The following PTGES3 variants were observed in gnomAD, a reference collection of about 807,000 sequenced individuals.
The protein encoded by PTGES3 is Hsp90 co-chaperone.
In PTGES3, 5 loss-of-function variants were observed where a neutral mutation model predicts 29.9. The observed-to-expected ratio is 0.17, with a 90% CI of 0.09 to 0.35. The LOEUF is 0.35. Ranked by LOEUF, PTGES3 falls within the 10% of genes least tolerant of loss-of-function variation. The pLI, the probability that PTGES3 is intolerant of heterozygous loss-of-function variation, is 1.00. For synonymous variants in PTGES3, 49 were observed against 57.8 expected, an observed-to-expected ratio of 0.85 and a Z score of 0.69; for missense variants, 128 against 190.0, an observed-to-expected ratio of 0.67 and a Z score of 1.92.
At chr12:56,668,637 A>AC (rs967692072) in intron 5 of PTGES3, among the ~76,000 whole-genome samples, 26 of 152,160 alleles carry the variant, frequency 1.7e-4, no homozygotes, top group Admixed American at 5.2e-4. Flanking sequence ...TATGAATAGA[A>AC]CATCCTCCCT....
In PTGES3 at chr12:56,665,284, CTTTTTTTTT is replaced by C. The variant is rs59007550; in HGVS notation, c.439-493_439-485del. ...CCTCTTACAGATTTCCAATGTCCAT[CTTTTTTTTT>C]TTTTTTTTTTTGGGTGGGGGGAGAT... is the stretch of plus-strand genomic sequence containing the variant. On this transcript the variant is annotated intron_variant, in intron 6 of 7. Coordinates refer to ENST00000262033, the MANE Select transcript of PTGES3 (RefSeq NM_006601.7). 14 of 806,884 alleles carry C rather than the reference CTTTTTTTTT, an allele frequency of 1.7e-5. No individual in the cohort carries two copies. The South Asian group carries it at 1.8e-4, about 10-fold the overall frequency. The allele number at this position is 806,884 out of a possible 1,614,324, so 50.0% of individuals were successfully genotyped here.
In PTGES3 at chr12:56,681,122, CTTG is replaced by C. The variant is rs910334204; in HGVS notation, c.2+6873_2+6875del. Among the ~76,000 whole-genome samples, 4 of 152,042 alleles carry C rather than the reference CTTG, an allele frequency of 2.6e-5. No homozygotes were observed. The South Asian group carries it at 6.2e-4, about 24-fold the overall frequency. On this transcript the variant is annotated intron_variant, in intron 1 of 7. Transcript: ENST00000262033. ...TTTTTGTTTGGACAGAGTTTTTGCT[CTTG>C]TTGTCCAGACTGGAATGCAATGGCT...
intron 4 of PTGES3, chr12:56,670,640 TACCTG>T: frequency 3.4e-6 from 1 of 292,880 alleles, no homozygotes; most frequent in Non-Finnish European, 6.5e-6. Context: ...TTAGCGTGGT[TACCTG>T]ACATATGGCA....
chr12:56,671,864 C>G lies in PTGES3; in HGVS notation c.187-17G>C. On this transcript the variant is annotated splice_polypyrimidine_tract_variant and intron_variant, in intron 3 of 7. Transcript: ENST00000262033. ...CTTGGAATCCTAAAAACAAAAGGAC[C>G]ATCATACCATTTATCTTTCCAGCAT... 1 of 1,416,070 alleles carries G rather than the reference C, an allele frequency of 7.1e-7. No individual in the cohort carries two copies. The highest frequency in any genetic ancestry group is 9.6e-7 in the Non-Finnish European group (1 of 1,037,314). 87.7% of individuals were successfully genotyped at this position (1,416,070 alleles called of 1,614,324 possible). A position where few individuals can be genotyped will look rare whatever the true frequency, so the allele number is the denominator to read the frequency against.
intron 5 of PTGES3, among the ~76,000 whole-genome samples, chr12:56,668,110 A>G (rs1481564167): frequency 1.3e-5 from 2 of 152,232 alleles, no homozygotes; most frequent in Non-Finnish European, 2.9e-5. Context: ...CTCTGCCTCA[A>G]AAAAATAAAT....
chr12:56,686,579 G>C (rs1380425483), intron 1 of PTGES3, among the ~76,000 whole-genome samples: 1 of 151,910 alleles, frequency 6.6e-6, no homozygotes, highest in African/African-American at 2.4e-5. Context: ...GTTTCTCCAT[G>C]TTGGTCAGTC....
Position 56,664,342 on chromosome 12 carries a change from C to A in PTGES3, c.*137G>T. On this transcript the variant is annotated 3_prime_UTR_variant, in exon 8 of 8. Coordinates refer to ENST00000262033, the MANE Select transcript of PTGES3 (RefSeq NM_006601.7). ...TTAGTGAAGCCTTTTAAAAAACAAA[C>A]AGGTTGAAAAATGGGTTAAAGTAGG... 2.0e-6 allele frequency: 2 copies of A among 1,004,886 alleles called. No homozygotes were observed. Among genetic ancestry groups the A allele is most frequent in the Non-Finnish European group, 3.0e-6 (2 of 670,386 alleles). The allele number at this position is 1,004,886 out of a possible 1,614,324, so 62.2% of individuals were successfully genotyped here.
intron 4 of PTGES3, 115 bp from the exon 5 acceptor site, chr12:56,670,479 C>A (rs953743591): frequency 5.5e-6 from 4 of 726,866 alleles, no homozygotes; most frequent in Non-Finnish European, 9.5e-6. Context: ...GTTGCCCAGG[C>A]TGGAGTGCAG....
intron 1 of PTGES3, among the ~76,000 whole-genome samples, chr12:56,679,903 G>A (rs538759659): frequency 6.6e-6 from 1 of 152,116 alleles, no homozygotes; most frequent in South Asian, 2.1e-4. Flanking sequence ...TTTAACTCCT[G>A]ACCTCAAGTG....
rs2137563875 is a variant in PTGES3 at position 56,663,549 on chromosome 12, T to C, written c.*930A>G. 6.6e-6 allele frequency: 1 copy of C among 152,360 alleles called. No homozygotes were observed. The highest frequency in any genetic ancestry group is 1.9e-4 in the East Asian group (1 of 5,164). 9.4% of individuals were successfully genotyped at this position (152,360 alleles called of 1,614,324 possible). A position where few individuals can be genotyped will look rare whatever the true frequency, so the allele number is the denominator to read the frequency against. On this transcript the variant is annotated 3_prime_UTR_variant, in exon 8 of 8. Transcript: ENST00000262033. Reference sequence around the variant, plus strand: ...AAATAAACTCCATTCCAGTAAATGGTAAATACATAAAAATTACAGTAAGCC... The same window carrying C: ...AAATAAACTCCATTCCAGTAAATGGCAAATACATAAAAATTACAGTAAGCC...
chr12:56,665,673 G>A (rs979118484), intron 6 of PTGES3: 6 of 973,734 alleles, frequency 6.2e-6, no homozygotes, highest in Admixed American at 6.2e-5. Context: ...ATGGAGCCTC[G>A]CTCTGCTGCC....
At chr12:56,678,171 T>C (rs1952356455) in intron 1 of PTGES3, among the ~76,000 whole-genome samples, 1 of 152,130 alleles carries the variant, frequency 6.6e-6, no homozygotes, top group South Asian at 2.1e-4. Context: ...TACAAATAGG[T>C]ATTTTTAATT....
At chr12:56,668,394 A>C (rs755480312) in intron 5 of PTGES3, among the ~76,000 whole-genome samples, 20 of 152,350 alleles carry the variant, frequency 1.3e-4, no homozygotes, top group Non-Finnish European at 2.5e-4. Flanking sequence ...AGATAACAAC[A>C]AAAACTGGAC....
chr12:56,673,942 T>G (rs1310564761), intron 1 of PTGES3, among the ~76,000 whole-genome samples: 1 of 152,000 alleles, frequency 6.6e-6, no homozygotes, highest in Non-Finnish European at 1.5e-5. Flanking sequence ...CAATCCAGCC[T>G]GGGCAACAGA....
intron 5 of PTGES3, among the ~76,000 whole-genome samples, chr12:56,668,662 C>T (rs1006379951): frequency 2.2e-4 from 33 of 152,128 alleles, no homozygotes; most frequent in African/African-American, 7.2e-4. Flanking sequence ...GTTGAAATCA[C>T]CATGCCAGAG....
At chr12:56,683,631 C>CAGAGCCAG (rs1315699808) in intron 1 of PTGES3, among the ~76,000 whole-genome samples, 2 of 150,926 alleles carry the variant, frequency 1.3e-5, no homozygotes, top group Non-Finnish European at 3.0e-5. Context: ...GCCTGGGCGA[C>CAGAGCCAG]AGAGCCAGAC....
intron 5 of PTGES3, among the ~76,000 whole-genome samples, chr12:56,667,901 A>G (rs1450221174): frequency 6.6e-6 from 1 of 152,220 alleles, no homozygotes; most frequent in Non-Finnish European, 1.5e-5. Flanking sequence ...TGAGGTCAGG[A>G]GTTCGAGGCT....
intron 5 of PTGES3, 62 bp from the exon 6 acceptor site, chr12:56,666,328 C>T (rs920524028): frequency 6.2e-5 from 98 of 1,569,510 alleles, no homozygotes; most frequent in Non-Finnish European, 8.2e-5. Context: ...ATTATTAATG[C>T]TGTATGCTTC....
rs548754420 is a variant in PTGES3, at chr12:56,669,582, CTA to C, written c.375+691_375+692del. Among the ~76,000 whole-genome samples the C allele has an allele frequency of 7.3e-4, 111 of 151,942 alleles. 1 individual carries two copies. Among genetic ancestry groups the C allele is most frequent in the Non-Finnish European group, 9.6e-4 (65 of 67,942 alleles). ...ACAGGCGTGAGCCACCGCGCCCAGC[CTA>C]TGATTCTTGTGTTTAACAGTTTATC... On this transcript the variant is annotated intron_variant, in intron 5 of 7. Transcript: ENST00000262033.
Sources: gnomAD v4.1 joint callset for allele counts (sites outside exome capture counted in the v4.1 genomes callset) on GRCh38, gnomAD v4.1.1 for gene constraint, MANE v1.5 for transcripts, NCBI Gene and HGNC (gene_info 2026-07-23, HGNC 2026-07-21) for gene names.